The following LARP1B variants were observed in gnomAD, a reference collection of about 807,000 sequenced individuals.
LARP1B encodes La ribonucleoprotein 1B.
Under a neutral mutation model 114.2 loss-of-function variants are expected in LARP1B, and 76 were observed. The ratio of observed to expected loss-of-function variants is 0.67; its 90% CI spans 0.55 to 0.81. The LOEUF is 0.81. LARP1B is among the 30% of genes least tolerant of loss of function. The probability of loss-of-function intolerance (pLI) is 0.00; values close to 1 mark genes in which losing one functional copy is unlikely to be tolerated. For missense variants in LARP1B, 1,014 were observed against 1,075.8 expected (o/e 0.94, Z 0.80); for synonymous variants, 345 against 348.0 (o/e 0.99, Z 0.10).
intron 19 of LARP1B, 121 bp downstream of exon 19, chr4:128,207,504 A>T: frequency 1.6e-6 from 1 of 607,284 alleles, no homozygotes; most frequent in Non-Finnish European, 2.5e-6. Flanking sequence ...TTTAAAATTA[A>T]ACTTTGAAAT....
chr4:128,194,905 C>T (rs1753593576), intron 15 of LARP1B, among the ~76,000 whole-genome samples: 2 of 151,630 alleles, frequency 1.3e-5, no homozygotes, highest in Non-Finnish European at 2.9e-5. Context: ...CTGAAATTCT[C>T]CATCTCTTCA....
At chr4:128,109,173 G>A (rs1783123283) in intron 9 of LARP1B, among the ~76,000 whole-genome samples, 1 of 152,088 alleles carries the variant, frequency 6.6e-6, no homozygotes, top group Non-Finnish European at 1.5e-5. Flanking sequence ...TGATAAGAAA[G>A]CCTAGTTTCT....
At chr4:128,179,088 A>G (rs936127586) in intron 14 of LARP1B, among the ~76,000 whole-genome samples, 11 of 152,198 alleles carry the variant, frequency 7.2e-5, no homozygotes, top group African/African-American at 7.2e-5. Context: ...GTAAGACCCC[A>G]TTTAAAAATA....
chr4:128,166,995 C>CAT lies in LARP1B; in HGVS notation c.1648+4679_1648+4680insTA, dbSNP rs1438617148. Among the ~76,000 whole-genome samples, 106 of 139,776 alleles carry CAT rather than the reference C, an allele frequency of 7.6e-4. 1 individual carries two copies. Among genetic ancestry groups the CAT allele is most frequent in the African/African-American group, 2.8e-3 (104 of 37,532 alleles). The allele number at this position is 139,776 out of a possible 152,430, so 91.7% of individuals were successfully genotyped here. On this transcript the variant is annotated intron_variant, in intron 12 of 19. Transcript: ENST00000326639. ...CTATATATATATATATATATATATA[C>CAT]ACACACACATATATATACATATATA... is the stretch of plus-strand genomic sequence containing the variant.
chr4:128,083,344 A>G (rs2149475237), intron 5 of LARP1B, among the ~76,000 whole-genome samples: 1 of 151,988 alleles, frequency 6.6e-6, no homozygotes, highest in African/African-American at 2.4e-5. Context: ...CACCTCCCAG[A>G]CGGGGTGGTG....
intron 8 of LARP1B, among the ~76,000 whole-genome samples, chr4:128,102,646 A>C (rs1420081007): frequency 6.6e-6 from 1 of 152,188 alleles, no homozygotes; most frequent in African/African-American, 2.4e-5. Context: ...TTTTTAGCTT[A>C]CTGCATTCTC....
At chr4:128,185,450 A>G (rs1419904021) in intron 15 of LARP1B, among the ~76,000 whole-genome samples, 2 of 151,528 alleles carry the variant, frequency 1.3e-5, no homozygotes, top group African/African-American at 4.8e-5. Context: ...GCACTTTAAA[A>G]TATACCTGTT....
At chr4:128,164,556 T>C (rs1739881568) in intron 12 of LARP1B, among the ~76,000 whole-genome samples, 1 of 152,202 alleles carries the variant, frequency 6.6e-6, no homozygotes, top group Non-Finnish European at 1.5e-5. Flanking sequence ...ATCAGTTTCA[T>C]ATTTGGGAAG....
chr4:128,178,663 T>C, intron 14 of LARP1B, 21 bp downstream of exon 14: 2 of 1,555,998 alleles, frequency 1.3e-6, no homozygotes, highest in Non-Finnish European at 1.8e-6. Flanking sequence ...CAACCAGGAA[T>C]ATAAGGCTTG....
intron 11 of LARP1B, among the ~76,000 whole-genome samples, chr4:128,146,349 A>T (rs1002781007): frequency 6.6e-6 from 1 of 152,216 alleles, no homozygotes; most frequent in African/African-American, 2.4e-5. Context: ...CAAATAAGAG[A>T]ATGGTAAAAT....
At chr4:128,073,511 G>T (rs201740922) in intron 1 of LARP1B, among the ~76,000 whole-genome samples, 1 of 72,492 alleles carries the variant, frequency 1.4e-5, no homozygotes, top group Non-Finnish European at 2.8e-5. Flanking sequence ...GAGAAATAAA[G>T]AGACTCTGTC....
chr4:128,122,175 A>C lies in LARP1B; in HGVS notation c.1511A>C (p.His504Pro). Residue 504 changes from histidine (H) to proline (P), a missense_variant, in exon 11 of 20, where the codon CAC becomes CCC. Coordinates refer to ENST00000326639, the MANE Select transcript of LARP1B (RefSeq NM_018078.4). ...DLWMEEDENK[H>P]TAIKQEVENF... Reference sequence around the variant, plus strand: ...TGGATGGAAGAAGATGAAAACAAACACACAGCCATAAAGGTAATTGTTTCT... The same window carrying C: ...TGGATGGAAGAAGATGAAAACAAACCCACAGCCATAAAGGTAATTGTTTCT... The C allele has an allele frequency of 1.2e-6, 2 of 1,613,888 alleles. No individual in the cohort carries two copies. Among genetic ancestry groups the C allele is most frequent in the Non-Finnish European group, 1.7e-6 (2 of 1,179,822 alleles).
chr4:128,061,804 G>A (rs913721613), intron 1 of LARP1B: 1 of 984,736 alleles, frequency 1.0e-6, no homozygotes, highest in African/African-American at 1.7e-5. Context: ...CCGAGCAGCC[G>A]CCCCCGCCCG....
At chr4:128,198,510 A>G (rs1167717196) in intron 15 of LARP1B, among the ~76,000 whole-genome samples, 1 of 152,270 alleles carries the variant, frequency 6.6e-6, no homozygotes, top group Non-Finnish European at 1.5e-5. Flanking sequence ...ATAACAATGA[A>G]GGATGCAGTC....
chr4:128,107,795 C>T (rs1782616170), intron 9 of LARP1B: 5 of 1,528,544 alleles, frequency 3.3e-6, no homozygotes, highest in African/African-American at 1.4e-5. Context: ...TTTAGAATTT[C>T]CAAAAGATTT....
intron 8 of LARP1B, among the ~76,000 whole-genome samples, chr4:128,101,558 T>C (rs1370147650): frequency 6.6e-6 from 1 of 150,936 alleles, no homozygotes; most frequent in Non-Finnish European, 1.5e-5. Flanking sequence ...ACAGAGAAAA[T>C]TAGTTTTTTT....
At chr4:128,103,471 CT>C (rs1780983930) in intron 8 of LARP1B, among the ~76,000 whole-genome samples, 1 of 151,684 alleles carries the variant, frequency 6.6e-6, no homozygotes, top group South Asian at 2.1e-4. Flanking sequence ...AGTGTTACTT[CT>C]TTCTTGTGTC....
chr4:128,143,653 TG>T (rs1729037588), intron 11 of LARP1B, among the ~76,000 whole-genome samples: 1 of 151,994 alleles, frequency 6.6e-6, no homozygotes, highest in South Asian at 2.1e-4. Flanking sequence ...GGAACAGTGG[TG>T]GGGGAGAGTG....
Position 128,066,971 on chromosome 4 carries a change from A to AT in LARP1B, c.-78+5579dup, listed in dbSNP as rs545531320. 5.9e-3 allele frequency among the ~76,000 whole-genome samples: 862 copies of AT among 145,974 alleles called. 4 individuals are homozygous for AT. Among genetic ancestry groups the AT allele is most frequent in the Non-Finnish European group, 9.3e-3 (618 of 66,632 alleles). ...CGCAACCATGGTTGCCCGGCTAATT[A>AT]TTTTTTTTTAATTTTTACTAGAGAT... is the stretch of plus-strand genomic sequence containing the variant. On this transcript the variant is annotated intron_variant, in intron 1 of 19. Coordinates refer to ENST00000326639, the MANE Select transcript of LARP1B (RefSeq NM_018078.4).
Sources: gnomAD v4.1 joint callset for allele counts (sites outside exome capture counted in the v4.1 genomes callset) on GRCh38, gnomAD v4.1.1 for gene constraint, MANE v1.5 for transcripts, NCBI Gene and HGNC (gene_info 2026-07-23, HGNC 2026-07-21) for gene names.